CFAP221: variants seen among roughly 807,000 people sequenced by gnomAD.
CFAP221 encodes cilia- and flagella-associated protein 221.
In CFAP221, 97 loss-of-function variants were observed where a neutral mutation model predicts 113.1. The observed-to-expected ratio is 0.86, with a 90% confidence interval of 0.73 to 1.02. CFAP221 has a LOEUF of 1.02. Among genes scored for constraint, CFAP221 ranks in the 50% least tolerant of loss-of-function variants. The pLI is 0.00. For missense variants in CFAP221, 1,025 were observed against 1,013.4 expected (o/e 1.01, Z -0.16); for synonymous variants, 331 against 354.4 (o/e 0.93, Z 0.74).
In CFAP221 at chr2:119,562,566, T is replaced by C. The variant is rs148166973; in HGVS notation, c.527+452T>C. Among the ~76,000 whole-genome samples the C allele has an allele frequency of 6.5e-3, 983 of 152,298 alleles. 8 individuals are homozygous for C. The highest frequency in any genetic ancestry group is 0.015 in the African/African-American group (624 of 41,566). ...GGGCATTCAAGCAAAACCCCAGGAC[T>C]GAGGCTTATCAGACCTCATATACCC... is the stretch of plus-strand genomic sequence containing the variant. On this transcript the variant is annotated intron_variant, in intron 6 of 23. Transcript: ENST00000413369.
chr2:119,553,931 G>A (rs1680601807), intron 3 of CFAP221, among the ~76,000 whole-genome samples: 1 of 152,140 alleles, frequency 6.6e-6, no homozygotes, highest in Non-Finnish European at 1.5e-5. Flanking sequence ...TATTAGAAGA[G>A]TGGCAGAGGC....
chr2:119,656,586 T>G lies in CFAP221; in HGVS notation c.*116T>G. ...AAAGTTTCTGGATAAAAAAATGAAATGTAGAGGATGTATATATCTTTTAAG... is the reference window on the plus strand; with the variant it reads ...AAAGTTTCTGGATAAAAAAATGAAAGGTAGAGGATGTATATATCTTTTAAG... On this transcript the variant is annotated 3_prime_UTR_variant, in exon 24 of 24. Coordinates refer to ENST00000413369, the MANE Select transcript of CFAP221 (RefSeq NM_001271049.2). 1 of 657,164 alleles carries G rather than the reference T, an allele frequency of 1.5e-6. No individual in the cohort carries two copies. The highest frequency in any genetic ancestry group is 1.8e-5 in the South Asian group (1 of 54,362). The allele number at this position is 657,164 out of a possible 1,614,324, so 40.7% of individuals were successfully genotyped here.
At chr2:119,556,049 G>A (rs951523658) in intron 3 of CFAP221, 6 of 152,202 alleles carry the variant, frequency 3.9e-5, no homozygotes, top group African/African-American at 1.4e-4. Context: ...CACTGAAAAA[G>A]CTCATTGGCA....
chr2:119,624,868 C>T (rs1686183167), intron 14 of CFAP221, among the ~76,000 whole-genome samples: 1 of 152,044 alleles, frequency 6.6e-6, no homozygotes, highest in South Asian at 2.1e-4. Flanking sequence ...CAGGGCCTGT[C>T]AGAGGGTGGG....
At chr2:119,624,885 G>A (rs1047989816) in intron 14 of CFAP221, among the ~76,000 whole-genome samples, 1 of 152,154 alleles carries the variant, frequency 6.6e-6, no homozygotes, top group Non-Finnish European at 1.5e-5. Flanking sequence ...TGGGTGACTA[G>A]GGGAGGGATA....
intron 22 of CFAP221, among the ~76,000 whole-genome samples, chr2:119,650,536 T>C (rs1418167834): frequency 6.6e-6 from 1 of 152,242 alleles, no homozygotes; most frequent in East Asian, 1.9e-4. Flanking sequence ...GAAATGGGAA[T>C]AGTTGTATCT....
chr2:119,639,881 AGCTCATCTGTTT>A lies in CFAP221; in HGVS notation c.2225+15_2225+26del. On this transcript the variant is annotated intron_variant, in intron 21 of 23. Coordinates refer to ENST00000413369, the MANE Select transcript of CFAP221 (RefSeq NM_001271049.2). Reference sequence around the variant, plus strand: ...ATGGAGACCACAAAGAGGTAAGCACAGCTCATCTGTTTGCTCACGAGTATGTGTGCCCCATGT... The same window carrying A: ...ATGGAGACCACAAAGAGGTAAGCACAGCTCACGAGTATGTGTGCCCCATGT... The A allele has an allele frequency of 6.2e-7, 1 of 1,610,100 alleles. No individual in the cohort carries two copies. The highest frequency in any genetic ancestry group is 1.7e-4 in the Middle Eastern group (1 of 6,058).
At chr2:119,636,691 T>A (rs896664741) in intron 19 of CFAP221, among the ~76,000 whole-genome samples, 6 of 152,236 alleles carry the variant, frequency 3.9e-5, no homozygotes, top group African/African-American at 1.4e-4. Context: ...GATGTGGGCC[T>A]GGGAACAGGA....
At chr2:119,644,940 A>G (rs1687706528) in intron 21 of CFAP221, among the ~76,000 whole-genome samples, 1 of 151,964 alleles carries the variant, frequency 6.6e-6, no homozygotes, top group Non-Finnish European at 1.5e-5. Flanking sequence ...GAATTGCTTG[A>G]TCCATAACCA....
Position 119,605,307 on chromosome 2 carries a change from GT to G in CFAP221, c.1133+21del, listed in dbSNP as rs1390842528. ...CTTAAGTGGTAAATATTGAGCAATT[GT>G]TTGTATCAAGTGTCAGTACAGTTAT... is the stretch of plus-strand genomic sequence containing the variant. On this transcript the variant is annotated intron_variant, in intron 11 of 23. Transcript: ENST00000413369. The G allele has an allele frequency of 6.3e-7, 1 of 1,576,744 alleles. No individual in the cohort carries two copies. The highest frequency in any genetic ancestry group is 1.3e-5 in the African/African-American group (1 of 74,250).
intron 2 of CFAP221, among the ~76,000 whole-genome samples, chr2:119,548,856 TG>T (rs145473140): frequency 6.6e-6 from 1 of 152,332 alleles, no homozygotes; most frequent in East Asian, 1.9e-4. Flanking sequence ...TACCTGACTT[TG>T]TATTGTAATG....
At chr2:119,610,149 A>C (rs1325418586) in intron 12 of CFAP221, among the ~76,000 whole-genome samples, 1 of 152,196 alleles carries the variant, frequency 6.6e-6, no homozygotes, top group East Asian at 1.9e-4. Flanking sequence ...GTGGGCATTG[A>C]GGCTGTGGCT....
At chr2:119,559,903 C>A in intron 4 of CFAP221, 25 bp from the exon 5 acceptor site, 1 of 1,525,926 alleles carries the variant, frequency 6.6e-7, no homozygotes, top group Non-Finnish European at 8.8e-7. Context: ...GGGCTTGTCC[C>A]AACAAGATGC....
intron 6 of CFAP221, chr2:119,573,542 T>C (rs1682217382): frequency 6.6e-6 from 1 of 152,194 alleles, no homozygotes; most frequent in African/African-American, 2.4e-5. Context: ...ACAATTCTTG[T>C]CATTTAACAA....
At chr2:119,649,792 A>G (rs1471778547) in intron 22 of CFAP221, among the ~76,000 whole-genome samples, 5 of 152,192 alleles carry the variant, frequency 3.3e-5, no homozygotes, top group Admixed American at 2.6e-4. Flanking sequence ...AGGATGTTGC[A>G]TTCTCAGTAC....
Position 119,604,972 on chromosome 2 carries a change from A to G in CFAP221, c.1009A>G (p.Lys337Glu), listed in dbSNP as rs770283561. The change falls in exon 10 of 24, where the codon AAA becomes GAA. Residue 337 changes from lysine to glutamate, a missense_variant. Physicochemically the swap from Lys to Glu is moderately conservative, Grantham distance 56. Coordinates refer to ENST00000413369, the MANE Select transcript of CFAP221 (RefSeq NM_001271049.2). ...LNQEPGKLKI[K>E]ELREVLDQGT... ...CCAAGAACCAGGAAAATTGAAGATT[A>G]AAGAATTAAGAGAAGGTAACCAGTT... 1 of 1,614,084 alleles carries G rather than the reference A, an allele frequency of 6.2e-7. No homozygotes were observed. The highest frequency in any genetic ancestry group is 8.5e-7 in the Non-Finnish European group (1 of 1,179,922).
intron 11 of CFAP221, among the ~76,000 whole-genome samples, chr2:119,605,949 A>C (rs1684725436): frequency 6.6e-6 from 1 of 152,190 alleles, no homozygotes; most frequent in Admixed American, 6.5e-5. Flanking sequence ...CATAATAGCC[A>C]AAAAGTGGAA....
intron 19 of CFAP221, chr2:119,631,175 A>C (rs1488612540): frequency 2.0e-5 from 17 of 834,130 alleles, no homozygotes; most frequent in Non-Finnish European, 2.4e-5. Flanking sequence ...AGAAATTGAA[A>C]AAGAAATTAG....
intron 19 of CFAP221, among the ~76,000 whole-genome samples, chr2:119,633,205 A>G (rs976923086): frequency 5.3e-5 from 8 of 152,104 alleles, no homozygotes; most frequent in South Asian, 2.1e-4. Context: ...CACCATCTAC[A>G]TAAATTAATA....
Sources: allele counts gnomAD v4.1 joint callset (sites outside exome capture counted in the v4.1 genomes callset), GRCh38; gene constraint gnomAD v4.1.1; transcripts MANE v1.5; gene names NCBI Gene and HGNC (gene_info 2026-07-23, HGNC 2026-07-21).